Variants in ADNP2 observed in about 807,000 individuals in gnomAD.
ADNP2 encodes the protein ADNP homeobox 2.
ADNP2 carries 8 observed loss-of-function variants against 16.4 expected under a neutral mutation model. The ratio of observed to expected loss-of-function variants is 0.49; its 90% CI spans 0.29 to 0.88. The LOEUF (loss-of-function observed/expected upper bound fraction) is 0.88, where lower values mean the gene tolerates loss of function less well. Ranked by LOEUF, ADNP2 falls within the 40% of genes least tolerant of loss-of-function variation. ADNP2 has a pLI of 0.09. For missense variants in ADNP2, 1,397 were observed against 1,395.1 expected, an observed-to-expected ratio of 1.00 and a Z score of -0.02; for synonymous variants, 637 against 545.8, an observed-to-expected ratio of 1.17 and a Z score of -2.33.
Position 80,120,227 on chromosome 18 carries a change from A to C in ADNP2, c.108+2577A>C, listed in dbSNP as rs1359116777. On this transcript the variant is annotated intron_variant, in intron 2 of 3. Transcript: ENST00000262198. ...ACACAAATTCAAAGATAGATTGTTA[A>C]GAATTCACGATGGTTACCACTGAGC... Among the ~76,000 whole-genome samples the C allele has an allele frequency of 3.9e-5, 6 of 152,248 alleles. No individual in the cohort carries two copies. In the East Asian group the frequency reaches 1.2e-3, roughly 29 times the overall value.
At chr18:80,119,019 C>T (rs1468980374) in intron 2 of ADNP2, among the ~76,000 whole-genome samples, 3 of 152,086 alleles carry the variant, frequency 2.0e-5, no homozygotes, top group African/African-American at 7.2e-5. Context: ...GTAAGACTCA[C>T]GCGTAAACCA....
At chr18:80,135,473 AC>A (rs766686814) in intron 3 of ADNP2, 138 bp from the exon 4 acceptor site, 1 of 904,748 alleles carries the variant, frequency 1.1e-6, no homozygotes, top group Non-Finnish European at 1.6e-6. Context: ...AAGTTTGCCA[AC>A]CCCTGGGTTA....
intron 2 of ADNP2, among the ~76,000 whole-genome samples, chr18:80,131,493 T>A (rs1350016799): frequency 6.6e-6 from 1 of 152,204 alleles, no homozygotes. Flanking sequence ...ACACTTTTCT[T>A]TCATTCCCTA....
At position 80,136,147 on chromosome 18, in the gene ADNP2, A is replaced by AT; in HGVS notation, c.735dup (p.Lys246Ter). ...TCAGACATACACAGAGATTTGGAGA[A>AT]TAAGCTTAGATCTGTGATTTCAGAA... On this transcript the variant is annotated frameshift_variant, in exon 4 of 4. Coordinates refer to ENST00000262198, the MANE Select transcript of ADNP2 (RefSeq NM_014913.4). LOFTEE classifies it low-confidence loss of function (END_TRUNC). The AT allele has an allele frequency of 6.2e-7, 1 of 1,614,236 alleles. No individual in the cohort carries two copies. Among genetic ancestry groups the AT allele is most frequent in the Non-Finnish European group, 8.5e-7 (1 of 1,180,016 alleles).
chr18:80,128,354 A>G (rs1321125500), intron 2 of ADNP2, among the ~76,000 whole-genome samples: 2 of 152,202 alleles, frequency 1.3e-5, no homozygotes, highest in Non-Finnish European at 2.9e-5. Flanking sequence ...TTCAGTAGAA[A>G]TCTTTGTAAT....
At chr18:80,130,497 T>G (rs1170663896) in intron 2 of ADNP2, among the ~76,000 whole-genome samples, 2 of 152,158 alleles carry the variant, frequency 1.3e-5, no homozygotes, top group Non-Finnish European at 2.9e-5. Context: ...AAAACAGGAG[T>G]AGATTTTTAC....
rs368511656 is a variant in ADNP2, at chr18:80,138,098, G to A, written c.2685G>A (p.Lys895=). 223 of 1,613,836 alleles carry A rather than the reference G, an allele frequency of 1.4e-4. No homozygotes were observed. The highest frequency in any genetic ancestry group is 1.7e-4 in the Non-Finnish European group (195 of 1,180,038). ...VTTEAYELHL[K]ERHHIMPTVH... is the part of the protein sequence containing the mutation. ...CTGAGGCCTATGAGCTGCATTTGAA[G>A]GAGAGGCACCACATCATGCCCACAG... The change falls in exon 4 of 4, where the codon AAG becomes AAA. Residue 895 remains lysine (K), a synonymous_variant. Transcript: ENST00000262198.
chr18:80,138,121 C>T lies in ADNP2; in HGVS notation c.2708C>T (p.Thr903Ile). ...HLKERHHIMP[T>I]VHTVLKSPAF... is the part of the protein sequence containing the mutation. ...AAGGAGAGGCACCACATCATGCCCA[C>T]AGTCCACACGGTCCTGAAGTCTCCC... is the stretch of plus-strand genomic sequence containing the variant. The change falls in exon 4 of 4, where the codon ACA (threonine) becomes ATA (isoleucine). Residue 903 changes from threonine (T) to isoleucine (I), a missense_variant. This residue lies in a region of ADNP2 where 611 missense variants were observed against 648.7 expected (regional missense o/e 0.94). Coordinates refer to ENST00000262198, the MANE Select transcript of ADNP2 (RefSeq NM_014913.4). 5 of 1,614,086 alleles carry T rather than the reference C, an allele frequency of 3.1e-6. No homozygotes were observed. Among genetic ancestry groups the T allele is most frequent in the South Asian group, 2.2e-5 (2 of 91,090 alleles).
chr18:80,123,602 C>G (rs2052439198), intron 2 of ADNP2, among the ~76,000 whole-genome samples: 1 of 152,182 alleles, frequency 6.6e-6, no homozygotes, highest in South Asian at 2.1e-4. Context: ...CTCCCGACCT[C>G]AGGTGATCTG....
In ADNP2 at chr18:80,119,648, A is replaced by C. The variant is rs373300472; in HGVS notation, c.108+1998A>C. Among the ~76,000 whole-genome samples the C allele has an allele frequency of 7.2e-5, 11 of 152,258 alleles. 1 individual carries two copies. The highest frequency in any genetic ancestry group is 3.3e-4 in the Admixed American group (5 of 15,306). ...TTCTTGTCAGTAGCCTGGCTGAGAA[A>C]AGTAAGCCCTAGGAAAGGTAGACTC... On this transcript the variant is annotated intron_variant, in intron 2 of 3. Transcript: ENST00000262198.
At chr18:80,112,573 T>A (rs1379859885) in intron 1 of ADNP2, among the ~76,000 whole-genome samples, 1 of 152,090 alleles carries the variant, frequency 6.6e-6, no homozygotes, top group East Asian at 1.9e-4. Context: ...AATAAAAAGT[T>A]CCTATTTTTC....
intron 1 of ADNP2, among the ~76,000 whole-genome samples, chr18:80,116,868 TCAAA>T (rs758641529): frequency 5.9e-5 from 9 of 152,152 alleles, no homozygotes; most frequent in Admixed American, 2.6e-4. Context: ...ACTCCTGAGC[TCAAA>T]CAGTCTGCCT....
intron 2 of ADNP2, among the ~76,000 whole-genome samples, chr18:80,121,951 C>T (rs2052428040): frequency 6.6e-6 from 1 of 151,784 alleles, no homozygotes; most frequent in South Asian, 2.1e-4. Context: ...GAGTCTTGCT[C>T]TGTCACCCCG....
Position 80,135,594 on chromosome 18 carries a change from TTTC to T in ADNP2, c.199-15_199-13del, listed in dbSNP as rs769142801. On this transcript the variant is annotated splice_polypyrimidine_tract_variant and intron_variant, in intron 3 of 3. Transcript: ENST00000262198. ...CAGTTTATTCAATTATGCTTAAGGC[TTTC>T]TTTTCTTTTAACAGAGATATCGAAC... 6.3e-7 allele frequency: 1 copy of T among 1,597,208 alleles called. No homozygotes were observed. Among genetic ancestry groups the T allele is most frequent in the Non-Finnish European group, 8.5e-7 (1 of 1,170,522 alleles).
rs1599814633 is a variant in ADNP2 at position 80,127,640 on chromosome 18, A to G, written c.109-5463A>G. The stretch of plus-strand genomic sequence containing the variant: ...GTTTTTTGACTGGCAGTTTTTGACT[A>G]CACACTGGACATTGTGTTTATGGGT... On this transcript the variant is annotated intron_variant, in intron 2 of 3. Coordinates refer to ENST00000262198, the MANE Select transcript of ADNP2 (RefSeq NM_014913.4). Among the ~76,000 whole-genome samples, 4 of 152,026 alleles carry G rather than the reference A, an allele frequency of 2.6e-5. No individual in the cohort carries two copies. In the East Asian group the frequency reaches 7.7e-4, roughly 29 times the overall value.
chr18:80,134,861 C>CCCA, intron 3 of ADNP2, among the ~76,000 whole-genome samples: 1 of 152,116 alleles, frequency 6.6e-6, no homozygotes, highest in African/African-American at 2.4e-5. Flanking sequence ...TTATTGGGTA[C>CCCA]CTGCATGGGC....
chr18:80,113,290 A>G (rs940438284), intron 1 of ADNP2, among the ~76,000 whole-genome samples: 6 of 152,288 alleles, frequency 3.9e-5, no homozygotes, highest in African/African-American at 1.4e-4. Context: ...ACCAGGATAC[A>G]TTTTTCACAT....
At chr18:80,125,514 G>A (rs2052452293) in intron 2 of ADNP2, among the ~76,000 whole-genome samples, 1 of 152,084 alleles carries the variant, frequency 6.6e-6, no homozygotes, top group African/African-American at 2.4e-5. Flanking sequence ...TTGGTGGCGG[G>A]TGCCTGTAGT....
intron 2 of ADNP2, 111 bp downstream of exon 2, chr18:80,117,761 C>A: frequency 1.3e-6 from 1 of 747,986 alleles, no homozygotes; most frequent in Non-Finnish European, 2.2e-6. Context: ...CTTCAGATGG[C>A]TGTGTGAAAG....
Sources: gnomAD v4.1 joint callset for allele counts (sites outside exome capture counted in the v4.1 genomes callset) on GRCh38, gnomAD v4.1.1 for gene constraint, gnomAD v4.1.1 regional missense constraint, MANE v1.5 for transcripts, NCBI Gene and HGNC (gene_info 2026-07-23, HGNC 2026-07-21) for gene names.